FKTN: variants seen among roughly 807,000 people sequenced by gnomAD.
The protein encoded by FKTN is fukutin, also known as ribitol-5-phosphate transferase FKTN.
FKTN carries 47 observed loss-of-function variants against 58.6 expected under a neutral mutation model. That is an observed-to-expected ratio of 0.80 (90% CI 0.63 to 1.02). FKTN has a LOEUF of 1.02. FKTN is among the 50% of genes least tolerant of loss of function. The pLI is 0.00. For missense variants in FKTN, 516 were observed against 537.3 expected (o/e 0.96, Z 0.39); for synonymous variants, 178 against 191.9 (o/e 0.93, Z 0.60).
At chr9:105,596,465 T>C in intron 3 of FKTN, 133 bp from the exon 4 acceptor site, 2 of 681,938 alleles carry the variant, frequency 2.9e-6, no homozygotes, top group East Asian at 5.5e-5. Flanking sequence ...CATGACTATA[T>C]GAAAAATAGA....
rs566961174 is a variant in FKTN, at chr9:105,606,070, A to T, written c.647+1578A>T. Among the ~76,000 whole-genome samples, 41 of 152,254 alleles carry T rather than the reference A, an allele frequency of 2.7e-4. No homozygotes were observed. In the East Asian group the frequency reaches 7.9e-3, roughly 29 times the overall value. ...AAAAGTGAAAGTAAATTCTATTATT[A>T]CTTTTATAAAAAGTTCAAACACATG... On this transcript the variant is annotated intron_variant, in intron 6 of 10. Coordinates refer to ENST00000357998, the MANE Select transcript of FKTN (RefSeq NM_001079802.2).
At chr9:105,565,137 T>C (rs78682971) in intron 1 of FKTN, among the ~76,000 whole-genome samples, 1 of 151,934 alleles carries the variant, frequency 6.6e-6, no homozygotes, top group Admixed American at 6.6e-5. Flanking sequence ...CTAAAAGAGC[T>C]CCTGAAGGGA....
rs142688550 is a variant in FKTN at position 105,563,332 on chromosome 9, G to A, written c.-181+5167G>A. 6.8e-3 allele frequency among the ~76,000 whole-genome samples: 1,035 copies of A among 152,268 alleles called. 17 individuals are homozygous for A. Among genetic ancestry groups the A allele is most frequent in the African/African-American group, 0.023 (946 of 41,538 alleles). On this transcript the variant is annotated intron_variant, in intron 1 of 10. Coordinates refer to ENST00000357998, the MANE Select transcript of FKTN (RefSeq NM_001079802.2). ...GGACAGTGGGTGCAGCGCACCGAGC[G>A]TGAGCCGAAGCAGGGCAAGGCATCA... is the stretch of plus-strand genomic sequence containing the variant.
chr9:105,589,107 C>T (rs972550213), intron 3 of FKTN, among the ~76,000 whole-genome samples: 2 of 152,148 alleles, frequency 1.3e-5, no homozygotes, highest in African/African-American at 4.8e-5. Context: ...CTTCAGGGCC[C>T]CTCACTTGCA....
At chr9:105,616,949 A>C (rs972872198) in intron 8 of FKTN, among the ~76,000 whole-genome samples, 1 of 151,822 alleles carries the variant, frequency 6.6e-6, no homozygotes, top group Non-Finnish European at 1.5e-5. Flanking sequence ...TTTTAGAAAC[A>C]AGATTGTTTT....
At chr9:105,613,771 AAAGAT>A (rs1830341653) in intron 7 of FKTN, among the ~76,000 whole-genome samples, 2 of 152,246 alleles carry the variant, frequency 1.3e-5, no homozygotes, top group South Asian at 4.1e-4. Context: ...TGTTAAGGAA[AAAGAT>A]AATTCATTTG....
rs1039424193 is a variant in FKTN, at chr9:105,635,485, A to G, written c.*221A>G. 4.9e-5 allele frequency: 69 copies of G among 1,417,660 alleles called. No individual in the cohort carries two copies. Among genetic ancestry groups the G allele is most frequent in the Non-Finnish European group, 6.3e-5 (69 of 1,091,398 alleles). 87.8% of individuals were successfully genotyped at this position (1,417,660 alleles called of 1,614,324 possible). ...GGTTACAGTGGAGAAGCCTAGATGA[A>G]TGAGACAAATACCTACTTCTTTTAT... is the stretch of plus-strand genomic sequence containing the variant. On this transcript the variant is annotated 3_prime_UTR_variant, in exon 11 of 11. Transcript: ENST00000357998.
intron 8 of FKTN, among the ~76,000 whole-genome samples, chr9:105,617,146 A>G (rs1427108345): frequency 3.3e-5 from 5 of 152,232 alleles, no homozygotes; most frequent in African/African-American, 1.2e-4. Flanking sequence ...TCCAAACAAT[A>G]TTATCCAACA....
At chr9:105,576,417 G>A (rs1169057825) in intron 3 of FKTN, among the ~76,000 whole-genome samples, 4 of 151,702 alleles carry the variant, frequency 2.6e-5, no homozygotes, top group African/African-American at 9.7e-5. Flanking sequence ...AATATGCGGT[G>A]TTTGGTTTTT....
At chr9:105,582,493 G>T (rs570116186) in intron 3 of FKTN, among the ~76,000 whole-genome samples, 13 of 152,268 alleles carry the variant, frequency 8.5e-5, no homozygotes, top group Admixed American at 3.3e-4. Flanking sequence ...ACTGCAACTG[G>T]CCTGGAAAAC....
chr9:105,577,193 T>C (rs1841898940), intron 3 of FKTN, among the ~76,000 whole-genome samples: 1 of 150,938 alleles, frequency 6.6e-6, no homozygotes, highest in African/African-American at 2.5e-5. Flanking sequence ...TTTGTCAATT[T>C]TGTCTTTTGT....
intron 3 of FKTN, among the ~76,000 whole-genome samples, chr9:105,584,983 G>A (rs932733843): frequency 6.6e-6 from 1 of 152,094 alleles, no homozygotes; most frequent in Non-Finnish European, 1.5e-5. Flanking sequence ...ACAATGAGGT[G>A]GTTTCTTCCT....
Position 105,640,011 on chromosome 9 carries a change from G to A in FKTN, c.*4747G>A, listed in dbSNP as rs1834313993. ...TTAATTTCATTTAATTATCTATGCT[G>A]ATGAATGCCTGTATCATTGTTAATA... On this transcript the variant is annotated 3_prime_UTR_variant, in exon 11 of 11. Transcript: ENST00000357998. 6.6e-7 allele frequency: 1 copy of A among 1,525,252 alleles called. No individual in the cohort carries two copies. Among genetic ancestry groups the A allele is most frequent in the Non-Finnish European group, 8.8e-7 (1 of 1,138,468 alleles). 94.5% of individuals were successfully genotyped at this position (1,525,252 alleles called of 1,614,324 possible).
chr9:105,638,118 G>A lies in FKTN; in HGVS notation c.*2854G>A. ...TTTTATAACTAAATAAATAATCACAGAAAAGAATGATCTGAACAAGAACAG... is the reference window on the plus strand; with the variant it reads ...TTTTATAACTAAATAAATAATCACAAAAAAGAATGATCTGAACAAGAACAG... On this transcript the variant is annotated 3_prime_UTR_variant, in exon 11 of 11. Transcript: ENST00000357998. 1.0e-5 allele frequency: 10 copies of A among 978,454 alleles called. No homozygotes were observed. The highest frequency in any genetic ancestry group is 1.2e-5 in the Non-Finnish European group (10 of 823,650). The allele number at this position is 978,454 out of a possible 1,614,324, so 60.6% of individuals were successfully genotyped here.
Position 105,629,131 on chromosome 9 carries a change from G to A in FKTN, c.1173-5920G>A, listed in dbSNP as rs190035572. On this transcript the variant is annotated intron_variant, in intron 10 of 10. Transcript: ENST00000357998. ...CCCATCAGCATTTGGGGAAGACCCG[G>A]TGAGAGGATCACTTGAGCCCAGGAG... is the stretch of plus-strand genomic sequence containing the variant. Among the ~76,000 whole-genome samples, 1,314 of 152,286 alleles carry A rather than the reference G, an allele frequency of 8.6e-3. 11 individuals are homozygous for A. The highest frequency in any genetic ancestry group is 0.017 in the Middle Eastern group (5 of 294).
intron 6 of FKTN, 21 bp downstream of exon 6, chr9:105,604,513 T>C (rs1329992295): frequency 6.3e-7 from 1 of 1,592,812 alleles, no homozygotes; most frequent in Admixed American, 1.7e-5. Flanking sequence ...AGTCAAAACG[T>C]GAAATGTGAA....
intron 9 of FKTN, 65 bp downstream of exon 9, chr9:105,618,157 C>T (rs2133165344): frequency 7.7e-7 from 1 of 1,301,768 alleles, no homozygotes; most frequent in East Asian, 2.3e-5. Flanking sequence ...TTACATTAAG[C>T]AACTCAGATA....
chr9:105,608,877 C>G (rs903731617), intron 7 of FKTN, among the ~76,000 whole-genome samples: 1 of 152,188 alleles, frequency 6.6e-6, no homozygotes, highest in Non-Finnish European at 1.5e-5. Context: ...TGGGCCTACT[C>G]TAGTAGAAAA....
chr9:105,634,933 C>A (rs1833903312), intron 10 of FKTN, 118 bp from the exon 11 acceptor site: 2 of 838,424 alleles, frequency 2.4e-6, no homozygotes, highest in South Asian at 2.7e-5. Context: ...TATCCACTCT[C>A]TTCCCAAAGC....
Sources: gnomAD v4.1 joint callset for allele counts (sites outside exome capture counted in the v4.1 genomes callset) on GRCh38, gnomAD v4.1.1 for gene constraint, MANE v1.5 for transcripts, NCBI Gene and HGNC (gene_info 2026-07-23, HGNC 2026-07-21) for gene names.